LHFPL6: variants seen among roughly 807,000 people sequenced by gnomAD.
LHFPL6 encodes LHFPL tetraspan subfamily member 6, also known as LHFPL tetraspan subfamily member 6 protein.
LHFPL6 carries 9 observed loss-of-function variants against 20.6 expected under a neutral mutation model. The observed-to-expected ratio is 0.44, with a 90% CI of 0.26 to 0.76. The LOEUF is 0.76. Ranked by LOEUF, LHFPL6 falls within the 30% of genes least tolerant of loss-of-function variation. LHFPL6 has a pLI of 0.20. For missense variants in LHFPL6, 218 were observed against 253.5 expected, an observed-to-expected ratio of 0.86 and a Z score of 0.95; for synonymous variants, 105 against 98.7, an observed-to-expected ratio of 1.06 and a Z score of -0.38.
chr13:39,584,596 T>C (rs1348443466), intron 2 of LHFPL6, among the ~76,000 whole-genome samples: 1 of 151,658 alleles, frequency 6.6e-6, no homozygotes, highest in East Asian at 1.9e-4. Flanking sequence ...CAGGGTAACT[T>C]CCTTTAAGAC....
intron 2 of LHFPL6, among the ~76,000 whole-genome samples, chr13:39,396,175 G>A (rs970804942): frequency 1.3e-5 from 2 of 152,008 alleles, no homozygotes; most frequent in Non-Finnish European, 2.9e-5. Flanking sequence ...AGGTGAGCTT[G>A]GGGGATGCAG....
intron 2 of LHFPL6, among the ~76,000 whole-genome samples, chr13:39,591,174 T>G (rs1039764296): frequency 2.0e-5 from 3 of 152,098 alleles, no homozygotes; most frequent in African/African-American, 7.2e-5. Context: ...AAATAGTAAC[T>G]CAAAACGGGG....
At chr13:39,437,642 G>A (rs182454378) in intron 2 of LHFPL6, among the ~76,000 whole-genome samples, 2,009 of 152,244 alleles carry the variant, frequency 0.013, 24 homozygotes, top group Middle Eastern at 0.044. Context: ...GGTGGCTCAC[G>A]CCTGTAATCC....
chr13:39,464,935 T>A (rs1872766573), intron 2 of LHFPL6, among the ~76,000 whole-genome samples: 1 of 152,184 alleles, frequency 6.6e-6, no homozygotes, highest in African/African-American at 2.4e-5. Context: ...TAATTCAGTG[T>A]ATATTATATC....
At chr13:39,390,531 A>G (rs9576782) in intron 2 of LHFPL6, among the ~76,000 whole-genome samples, 1 of 151,638 alleles carries the variant, frequency 6.6e-6, no homozygotes, top group African/African-American at 2.4e-5. Context: ...AGGAAACAAG[A>G]TTTTACAATG....
At chr13:39,378,799 T>A (rs562340891) in intron 2 of LHFPL6, among the ~76,000 whole-genome samples, 6 of 152,314 alleles carry the variant, frequency 3.9e-5, no homozygotes, top group Non-Finnish European at 8.8e-5. Flanking sequence ...GGAAATACAA[T>A]TCAGAAGCTT....
At chr13:39,586,683 A>G (rs955020509) in intron 2 of LHFPL6, among the ~76,000 whole-genome samples, 1 of 152,148 alleles carries the variant, frequency 6.6e-6, no homozygotes, top group Non-Finnish European at 1.5e-5. Context: ...TTTTCTTTCT[A>G]TTCCCACAGC....
chr13:39,403,294 T>C (rs991145911), intron 2 of LHFPL6, among the ~76,000 whole-genome samples: 2 of 152,224 alleles, frequency 1.3e-5, no homozygotes, highest in African/African-American at 4.8e-5. Flanking sequence ...TTGCTCTCTA[T>C]AGGCTCTTGT....
chr13:39,448,988 T>C (rs1872368221), intron 2 of LHFPL6, among the ~76,000 whole-genome samples: 1 of 152,234 alleles, frequency 6.6e-6, no homozygotes, highest in African/African-American at 2.4e-5. Context: ...ATCCCAATGC[T>C]GTCAGACCTT....
chr13:39,582,387 T>G (rs1872316115), intron 2 of LHFPL6, among the ~76,000 whole-genome samples: 1 of 152,110 alleles, frequency 6.6e-6, no homozygotes, highest in Non-Finnish European at 1.5e-5. Context: ...CAGTGAGACT[T>G]TTATCAAACT....
At chr13:39,408,440 T>TTGATC (rs2138384931) in intron 2 of LHFPL6, among the ~76,000 whole-genome samples, 1 of 152,368 alleles carries the variant, frequency 6.6e-6, no homozygotes, top group African/African-American at 2.4e-5. Context: ...TGCAATTCAT[T>TTGATC]TGATCCTTAC....
At chr13:39,378,175 G>C (rs577156403) in intron 3 of LHFPL6, among the ~76,000 whole-genome samples, 6 of 152,306 alleles carry the variant, frequency 3.9e-5, no homozygotes, top group African/African-American at 1.4e-4. Flanking sequence ...AGTGATCAAT[G>C]AGTATAAACT....
At chr13:39,418,062 C>G (rs1412822690) in intron 2 of LHFPL6, among the ~76,000 whole-genome samples, 1 of 152,058 alleles carries the variant, frequency 6.6e-6, no homozygotes, top group East Asian at 1.9e-4. Context: ...TAAAACAAAA[C>G]CAAACAAACC....
intron 2 of LHFPL6, among the ~76,000 whole-genome samples, chr13:39,576,846 T>C (rs1872132619): frequency 6.6e-6 from 1 of 152,190 alleles, no homozygotes; most frequent in Admixed American, 6.5e-5. Flanking sequence ...TTACGTTGCT[T>C]GGGCTCTTAA....
intron 2 of LHFPL6, among the ~76,000 whole-genome samples, chr13:39,518,581 C>T (rs752889932): frequency 2.3e-4 from 35 of 151,844 alleles, no homozygotes; most frequent in Non-Finnish European, 4.4e-4. Context: ...TAAATCTTTC[C>T]AAAACTTTTT....
chr13:39,378,381 A>ATAAGGTTC (rs1195140463), intron 3 of LHFPL6, 47 bp downstream of exon 3: 1 of 1,491,336 alleles, frequency 6.7e-7, no homozygotes. Context: ...GAAACATCAG[A>ATAAGGTTC]TAAGGTTCTT....
chr13:39,423,128 C>T (rs1871541721), intron 2 of LHFPL6, among the ~76,000 whole-genome samples: 1 of 152,094 alleles, frequency 6.6e-6, no homozygotes, highest in African/African-American at 2.4e-5. Context: ...GGGACACAGC[C>T]AAACCACATC....
At chr13:39,392,343 C>T (rs1316657280) in intron 2 of LHFPL6, among the ~76,000 whole-genome samples, 1 of 152,098 alleles carries the variant, frequency 6.6e-6, no homozygotes, top group East Asian at 1.9e-4. Context: ...GCCTGCAATC[C>T]CAGCACTTTG....
At chr13:39,404,403 G>A (rs745522063) in intron 2 of LHFPL6, among the ~76,000 whole-genome samples, 3 of 151,998 alleles carry the variant, frequency 2.0e-5, no homozygotes, top group Non-Finnish European at 4.4e-5. Context: ...TTCTTCACCT[G>A]GTCAATTCTG....
Sources: allele counts gnomAD v4.1 joint callset (sites outside exome capture counted in the v4.1 genomes callset), GRCh38; gene constraint gnomAD v4.1.1; transcripts MANE v1.5; gene names NCBI Gene and HGNC (gene_info 2026-07-23, HGNC 2026-07-21).